Variants in GALNT17 observed in about 807,000 individuals in gnomAD.
The protein encoded by GALNT17 is polypeptide N-acetylgalactosaminyltransferase 17, also known as UDP-GalNAc:polypeptide N-acetylgalactosaminyltransferase-like 3.
Under a neutral mutation model 63.7 loss-of-function variants are expected in GALNT17, and 29 were observed. The observed-to-expected ratio is 0.46, with a 90% confidence interval of 0.34 to 0.62. GALNT17 has a LOEUF of 0.62. GALNT17 is among the 20% of genes least tolerant of loss of function. GALNT17 has a pLI of 0.01. For missense variants in GALNT17, 603 were observed against 799.6 expected, an observed-to-expected ratio of 0.75 and a Z score of 2.97; for synonymous variants, 305 against 318.3, an observed-to-expected ratio of 0.96 and a Z score of 0.45.
chr7:71,509,724 A>G (rs1199526676), intron 5 of GALNT17, among the ~76,000 whole-genome samples: 1 of 152,092 alleles, frequency 6.6e-6, no homozygotes, highest in African/African-American at 2.4e-5. Flanking sequence ...AAGCACTGTC[A>G]GGGGAAGGGA....
chr7:71,478,475 G>A (rs550501551), intron 5 of GALNT17, among the ~76,000 whole-genome samples: 7 of 152,064 alleles, frequency 4.6e-5, no homozygotes, highest in African/African-American at 1.2e-4. Flanking sequence ...CACCATGCCC[G>A]GCTAATTTTT....
chr7:71,311,020 C>A (rs548954087), intron 1 of GALNT17, among the ~76,000 whole-genome samples: 2 of 152,304 alleles, frequency 1.3e-5, no homozygotes, highest in African/African-American at 4.8e-5. Context: ...AAATAACTTT[C>A]AAATCTGAAG....
At chr7:71,268,858 G>T (rs1246781244) in intron 1 of GALNT17, among the ~76,000 whole-genome samples, 1 of 152,146 alleles carries the variant, frequency 6.6e-6, no homozygotes, top group Non-Finnish European at 1.5e-5. Context: ...TAGGCAGGAA[G>T]GGTGGGCAGC....
chr7:71,381,021 C>T (rs1014375432), intron 2 of GALNT17, among the ~76,000 whole-genome samples: 1 of 151,388 alleles, frequency 6.6e-6, no homozygotes, highest in Non-Finnish European at 1.5e-5. Context: ...AGTGCAGAGG[C>T]GCGATATTGA....
chr7:71,565,567 G>A (rs1789329613), intron 5 of GALNT17, among the ~76,000 whole-genome samples: 1 of 146,618 alleles, frequency 6.8e-6, no homozygotes, highest in Non-Finnish European at 1.5e-5. Context: ...GCATCATGGT[G>A]CTCTTCCCTA....
At chr7:71,672,013 G>A (rs960384137) in intron 8 of GALNT17, among the ~76,000 whole-genome samples, 1 of 116,886 alleles carries the variant, frequency 8.6e-6, no homozygotes, top group African/African-American at 3.2e-5. Context: ...GGGTGATAGA[G>A]TGAGACTCTG....
At chr7:71,705,325 C>T (rs1791707964) in intron 9 of GALNT17, among the ~76,000 whole-genome samples, 1 of 152,062 alleles carries the variant, frequency 6.6e-6, no homozygotes, top group African/African-American at 2.4e-5. Flanking sequence ...CTTCACACTC[C>T]TACTAGGATG....
At chr7:71,710,327 A>G (rs475146) in intron 9 of GALNT17, among the ~76,000 whole-genome samples, 149,977 of 152,218 alleles carry the variant, frequency 0.99, 73,917 homozygotes, top group East Asian at 1. Context: ...GACCAACATG[A>G]TGAAACTCCA....
chr7:71,257,377 C>T (rs969831047), intron 1 of GALNT17, among the ~76,000 whole-genome samples: 1 of 152,168 alleles, frequency 6.6e-6, no homozygotes, highest in Admixed American at 6.5e-5. Context: ...GAAATAAATT[C>T]TCCAAGTAGG....
chr7:71,616,288 C>T (rs1197546413), intron 6 of GALNT17, among the ~76,000 whole-genome samples: 1 of 151,882 alleles, frequency 6.6e-6, no homozygotes, highest in Non-Finnish European at 1.5e-5. Context: ...AGATTCTTTC[C>T]CCCCCGTCCT....
At chr7:71,576,338 G>A (rs1171142901) in intron 6 of GALNT17, among the ~76,000 whole-genome samples, 1 of 152,204 alleles carries the variant, frequency 6.6e-6, no homozygotes, top group East Asian at 1.9e-4. Flanking sequence ...AAACACTTGT[G>A]AGAATGATTT....
intron 1 of GALNT17, among the ~76,000 whole-genome samples, chr7:71,307,489 C>T (rs909833879): frequency 1.3e-5 from 2 of 151,818 alleles, no homozygotes; most frequent in Admixed American, 6.6e-5. Context: ...TTGGAGGAGA[C>T]GGGCATCTAA....
intron 1 of GALNT17, among the ~76,000 whole-genome samples, chr7:71,214,049 A>G (rs1789430108): frequency 6.6e-6 from 1 of 152,192 alleles, no homozygotes; most frequent in Non-Finnish European, 1.5e-5. Flanking sequence ...ACCAAATGTT[A>G]TATGGCCCTC....
intron 1 of GALNT17, among the ~76,000 whole-genome samples, chr7:71,156,002 G>T (rs1031365367): frequency 1.3e-5 from 2 of 151,808 alleles, no homozygotes; most frequent in Non-Finnish European, 2.9e-5. Context: ...TTCAAGACCA[G>T]CTTGTCCAAC....
At chr7:71,360,481 A>G (rs879385540) in intron 2 of GALNT17, among the ~76,000 whole-genome samples, 6,468 of 152,268 alleles carry the variant, frequency 0.042, 232 homozygotes, top group East Asian at 0.1. Flanking sequence ...TATCACTTTA[A>G]TTACTGCAGA....
intron 1 of GALNT17, among the ~76,000 whole-genome samples, chr7:71,276,716 G>A (rs915154689): frequency 5.3e-5 from 8 of 152,086 alleles, no homozygotes; most frequent in African/African-American, 1.4e-4. Flanking sequence ...TTACCCAGTC[G>A]GCCGGGTATG....
At chr7:71,138,325 G>A (rs1434762853) in intron 1 of GALNT17, among the ~76,000 whole-genome samples, 6 of 151,102 alleles carry the variant, frequency 4.0e-5, no homozygotes, top group Non-Finnish European at 2.9e-5. Flanking sequence ...TGGCTCAAAA[G>A]AAAAAAAAAT....
rs542093164 is a variant in GALNT17 at position 71,670,024 on chromosome 7, G to A, written c.1319G>A (p.Ser440Asn). 1.9e-6 allele frequency: 3 copies of A among 1,614,168 alleles called. No homozygotes were observed. The highest frequency in any genetic ancestry group is 2.5e-6 in the Non-Finnish European group (3 of 1,180,028). The change falls in exon 8 of 11, where the codon AGT becomes AAT. Residue 440 changes from serine (S) to asparagine (N), a missense_variant. Ser to Asn is a conservative substitution (Grantham distance 46, BLOSUM62 1). This residue lies in a region of GALNT17 where 336 missense variants were observed against 507.8 expected (regional missense o/e 0.66). Transcript: ENST00000333538. ...TCCGAAAGAAGAGCATTAAGGAAAA[G>A]TTTAAAGTGTAAGAATTTCCAGTGG... Reference protein sequence around the residue: ...DVSERRALRKSLKCKNFQWYL... With the variant: ...DVSERRALRKNLKCKNFQWYL...
intron 1 of GALNT17, among the ~76,000 whole-genome samples, chr7:71,302,828 A>G (rs1272745244): frequency 6.6e-6 from 1 of 152,166 alleles, no homozygotes; most frequent in Non-Finnish European, 1.5e-5. Flanking sequence ...TTAACATACT[A>G]TGATAGCTTC....
Sources: allele counts gnomAD v4.1 joint callset (sites outside exome capture counted in the v4.1 genomes callset), GRCh38; gene constraint gnomAD v4.1.1; regional missense constraint gnomAD v4.1.1; transcripts MANE v1.5; gene names NCBI Gene and HGNC (gene_info 2026-07-23, HGNC 2026-07-21).